The following RCL1 variants were observed in gnomAD, a reference collection of about 807,000 sequenced individuals.
RCL1 encodes the protein RNA terminal phosphate cyclase like 1, also known as RNA 3'-terminal phosphate cyclase-like protein.
In RCL1, 24 loss-of-function variants were observed where a neutral mutation model predicts 42.4. The observed-to-expected ratio is 0.57, with a 90% confidence interval of 0.41 to 0.80. The LOEUF is 0.80. Among genes scored for constraint, RCL1 ranks in the 30% least tolerant of loss-of-function variants. The pLI is 0.00. For missense variants in RCL1, 578 were observed against 467.9 expected (o/e 1.24, Z -2.17); for synonymous variants, 228 against 177.3 (o/e 1.29, Z -2.27).
At position 4,854,975 on chromosome 9, in the gene RCL1, C is replaced by G. The variant is rs192879935; in HGVS notation, c.972-5150C>G. Among the ~76,000 whole-genome samples the G allele has an allele frequency of 1.6e-4, 24 of 149,974 alleles. No individual in the cohort carries two copies. In the South Asian group the frequency reaches 5.1e-3, roughly 32 times the overall value. ...GGCTGAGGCAGGAGAATCACTTGAA[C>G]CTGGGAGGCAGAGGTTGCAGTTAGC... On this transcript the variant is annotated intron_variant, in intron 8 of 8. Transcript: ENST00000381750.
intron 3 of RCL1, 62 bp downstream of exon 3, chr9:4,827,095 G>A: frequency 6.2e-7 from 1 of 1,608,640 alleles, no homozygotes. Context: ...AACCCAACTT[G>A]TGAGAAAAAA....
intron 7 of RCL1, among the ~76,000 whole-genome samples, chr9:4,847,542 G>A (rs1817564382): frequency 6.6e-6 from 1 of 152,104 alleles, no homozygotes; most frequent in South Asian, 2.1e-4. Flanking sequence ...ATCACTGCCT[G>A]CCTCCCTGCT....
intron 3 of RCL1, chr9:4,827,444 C>T (rs1010325500): frequency 2.2e-5 from 9 of 404,770 alleles, no homozygotes; most frequent in African/African-American, 1.8e-4. Context: ...ACAGCGTAAT[C>T]TTGACTTACC....
At chr9:4,841,754 T>A (rs1009510082) in intron 6 of RCL1, among the ~76,000 whole-genome samples, 2 of 152,234 alleles carry the variant, frequency 1.3e-5, no homozygotes, top group Non-Finnish European at 2.9e-5. Context: ...GCATCTCTCT[T>A]CATCAGTGGA....
intron 1 of RCL1, among the ~76,000 whole-genome samples, chr9:4,820,206 A>G (rs1371944230): frequency 6.6e-6 from 1 of 152,188 alleles, no homozygotes; most frequent in Non-Finnish European, 1.5e-5. Flanking sequence ...TAGCCCCAGG[A>G]GCAGTCTTGA....
rs775223208 is a variant in RCL1 at position 4,849,470 on chromosome 9, C to T, written c.891C>T (p.Asn297=). 2 of 1,614,010 alleles carry T rather than the reference C, an allele frequency of 1.2e-6. No individual in the cohort carries two copies. The highest frequency in any genetic ancestry group is 1.6e-4 in the Middle Eastern group (1 of 6,062). The part of the protein sequence containing the change: ...IYRGGCVDST[N]QSLALLLMTL... ...AGGGTGGATGCGTAGACTCGACCAA[C>T]CAAAGCCTGGCGCTACTACTCATGA... The change falls in exon 8 of 9, where the codon AAC becomes AAT. Residue 297 remains asparagine, a synonymous_variant. Coordinates refer to ENST00000381750, the MANE Select transcript of RCL1 (RefSeq NM_005772.5).
At position 4,793,111 on chromosome 9, in the gene RCL1, C is replaced by G. The variant is rs773025593; in HGVS notation, c.20C>G (p.Ser7Cys). Residue 7 changes from serine (S) to cysteine (C), a missense_variant, in exon 1 of 9, where the codon TCC (serine) becomes TGC (cysteine). Physicochemically the swap from Ser to Cys is moderately radical, Grantham distance 112. Transcript: ENST00000381750. ...GCGCACATGGCGACTCAGGCGCACT[C>G]CCTCAGCTACGCAGGGTGCAACTTC... MATQAH[S>C]LSYAGCNFLR... 6 of 1,609,584 alleles carry G rather than the reference C, an allele frequency of 3.7e-6. No individual in the cohort carries two copies. The highest frequency in any genetic ancestry group is 3.3e-5 in the South Asian group (3 of 90,164).
At chr9:4,808,338 C>G (rs1816053708) in intron 1 of RCL1, among the ~76,000 whole-genome samples, 1 of 151,968 alleles carries the variant, frequency 6.6e-6, no homozygotes, top group Non-Finnish European at 1.5e-5. Flanking sequence ...GACAGGGTCT[C>G]CTTCTTTCAT....
intron 1 of RCL1, among the ~76,000 whole-genome samples, chr9:4,816,729 G>C (rs1290841138): frequency 2.0e-5 from 3 of 152,270 alleles, no homozygotes; most frequent in African/African-American, 7.2e-5. Context: ...AGATTAGTTT[G>C]TAATTCTGAT....
chr9:4,855,379 G>A (rs944037811), intron 8 of RCL1, among the ~76,000 whole-genome samples: 9 of 152,090 alleles, frequency 5.9e-5, no homozygotes, highest in African/African-American at 2.2e-4. Context: ...TGCCCTGGGT[G>A]TGTGGCTGTG....
At chr9:4,795,010 C>T (rs1842890952) in intron 1 of RCL1, among the ~76,000 whole-genome samples, 1 of 152,164 alleles carries the variant, frequency 6.6e-6, no homozygotes, top group South Asian at 2.1e-4. Context: ...GAAAGAGACT[C>T]CTAGTTATTT....
At chr9:4,818,322 AT>A (rs1338271562) in intron 1 of RCL1, among the ~76,000 whole-genome samples, 6 of 150,582 alleles carry the variant, frequency 4.0e-5, no homozygotes, top group East Asian at 1.9e-4. Flanking sequence ...TATGGTCTGC[AT>A]TTTTTTTTCT....
chr9:4,809,057 G>A (rs1054492215), intron 1 of RCL1, among the ~76,000 whole-genome samples: 1 of 151,338 alleles, frequency 6.6e-6, no homozygotes, highest in Non-Finnish European at 1.5e-5. Flanking sequence ...TTTTTTTAAA[G>A]CACAAGAATA....
Position 4,832,024 on chromosome 9 carries a change from A to G in RCL1, c.385-1130A>G, listed in dbSNP as rs74422272. 2.1e-3 allele frequency among the ~76,000 whole-genome samples: 321 copies of G among 152,254 alleles called. 1 individual carries two copies. The highest frequency in any genetic ancestry group is 7.4e-3 in the African/African-American group (307 of 41,542). On this transcript the variant is annotated intron_variant, in intron 3 of 8. Coordinates refer to ENST00000381750, the MANE Select transcript of RCL1 (RefSeq NM_005772.5). ...GCCTGCCCTCCCTGCCAGCTGACAGATCCAAGAAGGGAACAAGTAATGGAG... is the reference window on the plus strand; with the variant it reads ...GCCTGCCCTCCCTGCCAGCTGACAGGTCCAAGAAGGGAACAAGTAATGGAG...
At chr9:4,848,988 G>A (rs1239645344) in intron 7 of RCL1, among the ~76,000 whole-genome samples, 1 of 152,058 alleles carries the variant, frequency 6.6e-6, no homozygotes, top group African/African-American at 2.4e-5. Flanking sequence ...TGAAAAGGCC[G>A]TTTCATGTCA....
chr9:4,834,854 G>A (rs1817068826), intron 5 of RCL1, among the ~76,000 whole-genome samples: 1 of 152,146 alleles, frequency 6.6e-6, no homozygotes. Context: ...TGCAGATGGG[G>A]AAACTGAAGC....
At chr9:4,804,901 A>G (rs7032730) in intron 1 of RCL1, 48,486 of 152,848 alleles carry the variant, frequency 0.32, 8,032 homozygotes, top group South Asian at 0.42. Context: ...ACCAGGTCAT[A>G]GGGTGGCTGG....
chr9:4,800,348 G>T (rs1842978335), intron 1 of RCL1, among the ~76,000 whole-genome samples: 1 of 151,982 alleles, frequency 6.6e-6, no homozygotes, highest in African/African-American at 2.4e-5. Context: ...CCGAGTAGCT[G>T]GGATTACAGG....
At chr9:4,806,776 T>A (rs971430896) in intron 1 of RCL1, among the ~76,000 whole-genome samples, 9 of 152,216 alleles carry the variant, frequency 5.9e-5, no homozygotes, top group Non-Finnish European at 1.2e-4. Flanking sequence ...AGCGCTAGTT[T>A]AAATTAAATC....
Sources: gnomAD v4.1 joint callset for allele counts (sites outside exome capture counted in the v4.1 genomes callset) on GRCh38, gnomAD v4.1.1 for gene constraint, MANE v1.5 for transcripts, NCBI Gene and HGNC (gene_info 2026-07-23, HGNC 2026-07-21) for gene names.